Variants in SEPTIN7 observed in about 807,000 individuals in gnomAD.
The protein encoded by SEPTIN7 is septin-7.
A neutral mutation model predicts 63.3 loss-of-function variants in SEPTIN7; 10 were observed. The ratio of observed to expected loss-of-function variants is 0.16; its 90% CI spans 0.10 to 0.27. The LOEUF (loss-of-function observed/expected upper bound fraction) is 0.27. SEPTIN7 is among the 10% of genes least tolerant of loss of function. The pLI is 1.00. For missense variants in SEPTIN7, 310 were observed against 521.0 expected (o/e 0.59, Z 3.94); for synonymous variants, 131 against 165.3 (o/e 0.79, Z 1.59).
intron 3 of SEPTIN7, among the ~76,000 whole-genome samples, chr7:35,837,081 A>G (rs1462731187): frequency 2.0e-5 from 3 of 152,208 alleles, no homozygotes; most frequent in Non-Finnish European, 4.4e-5. Context: ...CATGTCCACT[A>G]TTTTAATTTT....
At chr7:35,824,789 A>G (rs765615001) in intron 1 of SEPTIN7, among the ~76,000 whole-genome samples, 1 of 152,230 alleles carries the variant, frequency 6.6e-6, no homozygotes, top group Non-Finnish European at 1.5e-5. Flanking sequence ...TAAAAAGTAA[A>G]CAGGTGAAAC....
At chr7:35,807,553 C>T (rs754631201) in intron 1 of SEPTIN7, among the ~76,000 whole-genome samples, 6 of 151,738 alleles carry the variant, frequency 4.0e-5, no homozygotes, top group African/African-American at 7.3e-5. Context: ...TTAGTAGAGA[C>T]GGGGTTTCAC....
chr7:35,868,925 G>A (rs1283805125), intron 4 of SEPTIN7, among the ~76,000 whole-genome samples: 1 of 152,154 alleles, frequency 6.6e-6, no homozygotes, highest in Non-Finnish European at 1.5e-5. Flanking sequence ...GGAGATATGA[G>A]GTACTTCACT....
chr7:35,821,792 A>G (rs1452725283), intron 1 of SEPTIN7, among the ~76,000 whole-genome samples: 1 of 151,940 alleles, frequency 6.6e-6, no homozygotes, highest in Non-Finnish European at 1.5e-5. Context: ...TTTTATTTTT[A>G]TTTTGAAATG....
intron 1 of SEPTIN7, among the ~76,000 whole-genome samples, chr7:35,804,931 C>G (rs893753373): frequency 6.6e-6 from 1 of 150,392 alleles, no homozygotes; most frequent in African/African-American, 2.5e-5. Context: ...CTGTCTGCCT[C>G]CTGGGTTCAA....
intron 1 of SEPTIN7, 122 bp downstream of exon 1, chr7:35,801,392 G>GCCGGGATGGGGGCCACTGCGGGC: frequency 1.6e-6 from 2 of 1,275,692 alleles, no homozygotes; most frequent in Non-Finnish European, 2.1e-6. Context: ...GGCGAGGGGA[G>GCCGGGATGGGGGCCACTGCGGGC]CCGGGATGGG....
At chr7:35,844,474 C>G (rs1383689981) in intron 3 of SEPTIN7, among the ~76,000 whole-genome samples, 1 of 152,220 alleles carries the variant, frequency 6.6e-6, no homozygotes, top group East Asian at 1.9e-4. Flanking sequence ...AAAAGTGCAG[C>G]AGCTGTTACA....
chr7:35,877,925 C>G (rs978176447), intron 6 of SEPTIN7, among the ~76,000 whole-genome samples: 37 of 152,122 alleles, frequency 2.4e-4, no homozygotes, highest in African/African-American at 8.2e-4. Flanking sequence ...CGTTTAATAG[C>G]GTAGCCTACA....
intron 3 of SEPTIN7, among the ~76,000 whole-genome samples, chr7:35,837,401 CATT>C (rs1457512015): frequency 1.3e-5 from 2 of 152,086 alleles, no homozygotes; most frequent in Non-Finnish European, 2.9e-5. Flanking sequence ...TTAGATATAT[CATT>C]CTTGGTCATA....
intron 3 of SEPTIN7, among the ~76,000 whole-genome samples, chr7:35,836,858 C>T (rs190762649): frequency 1.1e-3 from 167 of 152,024 alleles, no homozygotes; most frequent in African/African-American, 3.7e-3. Flanking sequence ...ATGTTAATTC[C>T]GTGAAATGTT....
chr7:35,811,593 A>C (rs916340385), intron 1 of SEPTIN7, among the ~76,000 whole-genome samples: 1 of 152,194 alleles, frequency 6.6e-6, no homozygotes, highest in Admixed American at 6.5e-5. Flanking sequence ...AAGCTTGCTT[A>C]TTAAGAGGCG....
At chr7:35,824,698 C>G (rs753970340) in intron 1 of SEPTIN7, among the ~76,000 whole-genome samples, 2 of 152,132 alleles carry the variant, frequency 1.3e-5, no homozygotes, top group African/African-American at 2.4e-5. Context: ...CATTTCATGT[C>G]TTTAATATCT....
intron 11 of SEPTIN7, among the ~76,000 whole-genome samples, chr7:35,896,500 AT>A (rs1196951658): frequency 5.3e-5 from 8 of 152,270 alleles, no homozygotes; most frequent in African/African-American, 1.9e-4. Context: ...ACAAACACAC[AT>A]TTGGTATGCT....
chr7:35,912,530 CCT>C, the SEPTIN7 span, among the ~76,000 whole-genome samples: 1 of 152,158 alleles, frequency 6.6e-6, no homozygotes, highest in Non-Finnish European at 1.5e-5. Context: ...CTGTGAGACC[CCT>C]GATTTCCCAC....
At chr7:35,809,179 T>C (rs1280238996) in intron 1 of SEPTIN7, among the ~76,000 whole-genome samples, 3 of 152,230 alleles carry the variant, frequency 2.0e-5, no homozygotes, top group East Asian at 3.9e-4. Flanking sequence ...GAAACTGAAT[T>C]AAATGCTGTG....
At chr7:35,847,516 A>G (rs1784740084) in intron 3 of SEPTIN7, 2 of 142,552 alleles carry the variant, frequency 1.4e-5, no homozygotes, top group East Asian at 4.2e-4. Flanking sequence ...TTTACATTTT[A>G]TTTTACTTGC....
chr7:35,915,071 G>A, the SEPTIN7 span, among the ~76,000 whole-genome samples: 4 of 148,556 alleles, frequency 2.7e-5, no homozygotes, highest in South Asian at 8.8e-4. Flanking sequence ...ACAGATGCAT[G>A]CATGTACATA....
chr7:35,852,619 T>C (rs923628681), intron 3 of SEPTIN7, among the ~76,000 whole-genome samples: 2 of 152,192 alleles, frequency 1.3e-5, no homozygotes, highest in Non-Finnish European at 2.9e-5. Flanking sequence ...CATTACAAAA[T>C]AGCTTGTTTT....
At chr7:35,802,168 T>C in intron 1 of SEPTIN7, 1 of 223,898 alleles carries the variant, frequency 4.5e-6, no homozygotes, top group South Asian at 5.7e-5. Context: ...TCAGTTATTC[T>C]CTTAACGAGC....
Sources: gnomAD v4.1 joint callset for allele counts (sites outside exome capture counted in the v4.1 genomes callset) on GRCh38, gnomAD v4.1.1 for gene constraint, MANE v1.5 for transcripts, NCBI Gene and HGNC (gene_info 2026-07-23, HGNC 2026-07-21) for gene names.